The following WHRN variants were observed in gnomAD, a reference collection of about 807,000 sequenced individuals.
WHRN encodes whirlin.
Under a neutral mutation model 68.3 loss-of-function variants are expected in WHRN, and 41 were observed. That is an observed-to-expected ratio of 0.60 (90% confidence interval 0.47 to 0.78). The LOEUF (loss-of-function observed/expected upper bound fraction) is 0.78, where lower values mean the gene tolerates loss of function less well. Ranked by LOEUF, WHRN falls within the 30% of genes least tolerant of loss-of-function variation. The pLI, the probability that WHRN is intolerant of heterozygous loss-of-function variation, is 0.00. For synonymous variants in WHRN, 560 were observed against 561.3 expected (o/e 1.00, Z 0.03); for missense variants, 1,243 against 1,244.7 (o/e 1.00, Z 0.02).
intron 3 of WHRN, among the ~76,000 whole-genome samples, chr9:114,445,549 C>T (rs926223680): frequency 1.3e-5 from 2 of 152,124 alleles, no homozygotes; most frequent in Non-Finnish European, 2.9e-5. Context: ...AAAAATTCCA[C>T]AACTAAATGA....
chr9:114,422,670 C>T (rs1836407292), intron 7 of WHRN, among the ~76,000 whole-genome samples: 2 of 151,982 alleles, frequency 1.3e-5, no homozygotes, highest in Non-Finnish European at 2.9e-5. Context: ...CCCGTCTCTA[C>T]CCAAAAATAC....
intron 3 of WHRN, among the ~76,000 whole-genome samples, chr9:114,447,307 C>T (rs1302876671): frequency 6.6e-6 from 1 of 152,192 alleles, no homozygotes; most frequent in African/African-American, 2.4e-5. Context: ...CCTGGCTCCA[C>T]ACGCCCTGGC....
chr9:114,472,174 C>A (rs752594663), intron 2 of WHRN, among the ~76,000 whole-genome samples: 1 of 152,234 alleles, frequency 6.6e-6, no homozygotes, highest in African/African-American at 2.4e-5. Context: ...TCCACCCTTG[C>A]TCCTGCCATC....
intron 1 of WHRN, among the ~76,000 whole-genome samples, chr9:114,488,249 A>T (rs186878686): frequency 4.9e-4 from 75 of 152,318 alleles, no homozygotes; most frequent in African/African-American, 1.7e-3. Flanking sequence ...AGGGCCAATG[A>T]GAAAATGTGC....
chr9:114,487,274 C>T (rs187254895), intron 1 of WHRN, among the ~76,000 whole-genome samples: 45 of 150,940 alleles, frequency 3.0e-4, no homozygotes, highest in African/African-American at 1.1e-3. Context: ...TCTCAACCCA[C>T]CACCCATGGT....
At chr9:114,471,499 G>T (rs1199574320) in intron 2 of WHRN, among the ~76,000 whole-genome samples, 2 of 152,214 alleles carry the variant, frequency 1.3e-5, no homozygotes, top group African/African-American at 4.8e-5. Flanking sequence ...TCTTGGTTCT[G>T]CCCCTCACTC....
In WHRN at chr9:114,478,624, C is replaced by A. The variant is rs749399721; in HGVS notation, c.766G>T (p.Gly256Cys). The change falls in exon 2 of 12, where the codon GGT becomes TGT. Residue 256 changes from glycine (G) to cysteine (C), a missense_variant. Transcript: ENST00000362057. ...PPSGLPQPHG[G>C]ALRQQEGDRR... Reference sequence around the variant, plus strand: ...TCACCCTCCTGCTGCCTCAGGGCACCACCGTGGGGCTGGGGCAGGCCCGAG... The same window carrying A: ...TCACCCTCCTGCTGCCTCAGGGCACAACCGTGGGGCTGGGGCAGGCCCGAG... 1 of 1,614,006 alleles carries A rather than the reference C, an allele frequency of 6.2e-7. No individual in the cohort carries two copies. The highest frequency in any genetic ancestry group is 2.2e-5 in the East Asian group (1 of 44,872).
At chr9:114,476,986 C>T (rs1488272137) in intron 2 of WHRN, among the ~76,000 whole-genome samples, 1 of 152,208 alleles carries the variant, frequency 6.6e-6, no homozygotes, top group Non-Finnish European at 1.5e-5. Context: ...TTGATCATGA[C>T]TCAATAACCA....
chr9:114,439,886 T>C (rs1346376624), intron 3 of WHRN, among the ~76,000 whole-genome samples: 2 of 152,046 alleles, frequency 1.3e-5, no homozygotes, highest in African/African-American at 4.8e-5. Flanking sequence ...ACTTTATAAT[T>C]TACTATCATA....
At chr9:114,424,309 A>G (rs1426899508) in intron 6 of WHRN, 25 bp downstream of exon 6, 1 of 1,611,490 alleles carries the variant, frequency 6.2e-7, no homozygotes, top group Non-Finnish European at 8.5e-7. Flanking sequence ...TGCTGAAGCC[A>G]GTTGGGAGGC....
intron 3 of WHRN, among the ~76,000 whole-genome samples, chr9:114,428,346 T>A (rs1837079547): frequency 6.6e-6 from 1 of 152,060 alleles, no homozygotes; most frequent in Non-Finnish European, 1.5e-5. Context: ...TAAAATCAGA[T>A]TAATAAAAAG....
chr9:114,427,672 C>T (rs929631110), intron 3 of WHRN, among the ~76,000 whole-genome samples: 8 of 152,208 alleles, frequency 5.3e-5, no homozygotes, highest in African/African-American at 1.9e-4. Flanking sequence ...CAAAACCCTG[C>T]TCCCCAGTTC....
At position 114,423,460 on chromosome 9, in the gene WHRN, G is replaced by C; in HGVS notation, c.1480C>G (p.Leu494Val). The change falls in exon 7 of 12, where the codon CTG becomes GTG. Residue 494 changes from leucine (L) to valine (V), a missense_variant. By Grantham distance (32) the Leu-to-Val change is conservative. Coordinates refer to ENST00000362057, the MANE Select transcript of WHRN (RefSeq NM_015404.4). The stretch of plus-strand genomic sequence containing the variant: ...GACTCAATCTCACGCCTCAGCACCA[G>C]GTGGTCGAAGCGTTCTAGGTCTTGC... ...SPQDLERFDH[L>V]VLRREIESMK... 1 of 1,614,112 alleles carries C rather than the reference G, an allele frequency of 6.2e-7. No homozygotes were observed. The highest frequency in any genetic ancestry group is 1.1e-5 in the South Asian group (1 of 91,086).
chr9:114,432,348 C>T lies in WHRN; in HGVS notation c.964-5935G>A, dbSNP rs200014268. On this transcript the variant is annotated intron_variant, in intron 3 of 11. Coordinates refer to ENST00000362057, the MANE Select transcript of WHRN (RefSeq NM_015404.4). Reference sequence around the variant, plus strand: ...GAGCCCCAGGAGGAGAGGGGACCCTCGTAACAGCGGAAACACTCAGTGGAC... The same window carrying T: ...GAGCCCCAGGAGGAGAGGGGACCCTTGTAACAGCGGAAACACTCAGTGGAC... Among the ~76,000 whole-genome samples the T allele has an allele frequency of 1.1e-4, 17 of 152,310 alleles. No individual in the cohort carries two copies. In the East Asian group the frequency reaches 1.5e-3, roughly 14 times the overall value.
intron 3 of WHRN, among the ~76,000 whole-genome samples, chr9:114,429,598 G>T (rs79739291): frequency 0.033 from 5,096 of 152,268 alleles, 95 homozygotes; most frequent in East Asian, 0.053. Flanking sequence ...AGAAGCCAGG[G>T]CCCCTGAGAA....
chr9:114,486,925 AGAGT>A (rs1162000199), intron 1 of WHRN, among the ~76,000 whole-genome samples: 2 of 51,020 alleles, frequency 3.9e-5, no homozygotes, highest in African/African-American at 6.1e-5. Flanking sequence ...GTGTGTGTGT[AGAGT>A]GTGTGTGTGT....
In WHRN at chr9:114,420,790, T is replaced by G. The variant is rs371466648; in HGVS notation, c.1626+2524A>C. 3.3e-5 allele frequency among the ~76,000 whole-genome samples: 5 copies of G among 152,076 alleles called. No homozygotes were observed. In the East Asian group the frequency reaches 9.7e-4, roughly 29 times the overall value. On this transcript the variant is annotated intron_variant, in intron 7 of 11. Transcript: ENST00000362057. ...ACCTGCCCTCAGGGTGTGGCCAGCA[T>G]TTCTGGGATGCTGGTACTAGCAGGT...
intron 1 of WHRN, among the ~76,000 whole-genome samples, chr9:114,488,387 A>ATT (rs1465496962): frequency 6.6e-6 from 1 of 152,138 alleles, no homozygotes; most frequent in African/African-American, 2.4e-5. Context: ...GAGGAAAGCG[A>ATT]TTCTAGGTGG....
intron 7 of WHRN, 78 bp from the exon 8 acceptor site, chr9:114,408,096 A>C: frequency 8.2e-7 from 1 of 1,224,288 alleles, no homozygotes; most frequent in Non-Finnish European, 1.2e-6. Flanking sequence ...GCACACCAAA[A>C]TTGAGGAAGT....
Sources: gnomAD v4.1 joint callset for allele counts (sites outside exome capture counted in the v4.1 genomes callset) on GRCh38, gnomAD v4.1.1 for gene constraint, MANE v1.5 for transcripts, NCBI Gene and HGNC (gene_info 2026-07-23, HGNC 2026-07-21) for gene names.